Variants in ANKRD55 observed in about 807,000 individuals in gnomAD.
The protein encoded by ANKRD55 is ankyrin repeat domain-containing protein 55.
A neutral mutation model predicts 60.6 loss-of-function variants in ANKRD55; 41 were observed. That is an observed-to-expected ratio of 0.68 (90% CI 0.53 to 0.88). The LOEUF is 0.88. ANKRD55 is among the 40% of genes least tolerant of loss of function. The pLI, the probability that ANKRD55 is intolerant of heterozygous loss-of-function variation, is 0.00. For missense variants in ANKRD55, 732 were observed against 767.6 expected (o/e 0.95, Z 0.55); for synonymous variants, 264 against 290.3 (o/e 0.91, Z 0.92).
intron 2 of ANKRD55, among the ~76,000 whole-genome samples, chr5:56,190,861 G>T (rs1028646028): frequency 1.3e-5 from 2 of 152,200 alleles, no homozygotes; most frequent in Non-Finnish European, 2.9e-5. Flanking sequence ...TCAGAGCAGA[G>T]CCCTCGTGCT....
intron 2 of ANKRD55, among the ~76,000 whole-genome samples, chr5:56,224,347 G>C (rs1760050375): frequency 6.6e-6 from 1 of 152,158 alleles, no homozygotes; most frequent in African/African-American, 2.4e-5. Context: ...AGTGTGTAGA[G>C]GGAAATTTAT....
chr5:56,153,072 C>T (rs1039078468), intron 6 of ANKRD55, among the ~76,000 whole-genome samples: 3 of 152,114 alleles, frequency 2.0e-5, no homozygotes, highest in African/African-American at 7.2e-5. Flanking sequence ...ATAAACTAAA[C>T]TCCTATAGAT....
intron 8 of ANKRD55, among the ~76,000 whole-genome samples, chr5:56,117,655 T>C (rs967956527): frequency 6.6e-6 from 1 of 152,174 alleles, no homozygotes. Flanking sequence ...GGTTTCACTA[T>C]GTTGGCCAGG....
At position 56,109,027 on chromosome 5, in the gene ANKRD55, C is replaced by T. The variant is rs1014182800; in HGVS notation, c.1630+2091G>A. Among the ~76,000 whole-genome samples, 8 of 142,350 alleles carry T rather than the reference C, an allele frequency of 5.6e-5. No individual in the cohort carries two copies. In the South Asian group the frequency reaches 1.8e-3, roughly 33 times the overall value. The allele number at this position is 142,350 out of a possible 152,430, so 93.4% of individuals were successfully genotyped here. On this transcript the variant is annotated intron_variant, in intron 10 of 11. Transcript: ENST00000341048. ...ACTCCAGCCTGGGTGACAAGTGAGACTCTGTCTCAAAACACACACACACAC... is the reference window on the plus strand; with the variant it reads ...ACTCCAGCCTGGGTGACAAGTGAGATTCTGTCTCAAAACACACACACACAC...
intron 9 of ANKRD55, among the ~76,000 whole-genome samples, chr5:56,114,795 T>C (rs1756838149): frequency 6.6e-6 from 1 of 152,126 alleles, no homozygotes; most frequent in South Asian, 2.1e-4. Context: ...CAAAGAAAAA[T>C]ACACACAATT....
chr5:56,128,165 CA>C (rs1298764533), intron 7 of ANKRD55, among the ~76,000 whole-genome samples: 1 of 152,078 alleles, frequency 6.6e-6, no homozygotes, highest in African/African-American at 2.4e-5. Context: ...AAAATAGAAG[CA>C]AAAAGAGTGT....
intron 2 of ANKRD55, among the ~76,000 whole-genome samples, 191 bp from the exon 3 acceptor site, chr5:56,183,825 T>C (rs1257582910): frequency 6.6e-6 from 1 of 152,190 alleles, no homozygotes; most frequent in African/African-American, 2.4e-5. Flanking sequence ...ATGCCATTTG[T>C]AACACCGCCG....
chr5:56,137,424 CT>C, intron 7 of ANKRD55: 1 of 869,346 alleles, frequency 1.2e-6, no homozygotes, highest in Middle Eastern at 3.3e-4. Context: ...TGAGATGATC[CT>C]TACTGAAAAG....
chr5:56,127,265 ACT>A, intron 7 of ANKRD55, 159 bp from the exon 8 acceptor site: 5 of 982,550 alleles, frequency 5.1e-6, no homozygotes, highest in Non-Finnish European at 6.0e-6. Flanking sequence ...ATAAAAATAC[ACT>A]CTATCTAAGC....
At position 56,162,672 on chromosome 5, in the gene ANKRD55, A is replaced by ATTTT. The variant is rs148386596; in HGVS notation, c.423-2780_423-2779insAAAA. 4.1e-5 allele frequency among the ~76,000 whole-genome samples: 6 copies of ATTTT among 147,048 alleles called. 1 individual carries two copies. The highest frequency in any genetic ancestry group is 6.0e-5 in the Non-Finnish European group (4 of 67,058). Reference sequence around the variant, plus strand: ...ATCTCTTGTTGGTCAATTTTTGGTCAATTTTTTTTTTTTTTGAGACAAGCT... The same window carrying ATTTT: ...ATCTCTTGTTGGTCAATTTTTGGTCATTTTATTTTTTTTTTTTTTGAGACAAGCT... On this transcript the variant is annotated intron_variant, in intron 5 of 11. Coordinates refer to ENST00000341048, the MANE Select transcript of ANKRD55 (RefSeq NM_024669.3).
chr5:56,109,059 A>ACACACG (rs1301740987), intron 10 of ANKRD55, among the ~76,000 whole-genome samples: 7 of 151,798 alleles, frequency 4.6e-5, no homozygotes, highest in African/African-American at 1.7e-4. Flanking sequence ...ACACACACAC[A>ACACACG]CACACACACA....
intron 8 of ANKRD55, among the ~76,000 whole-genome samples, chr5:56,120,677 A>G (rs1195677955): frequency 1.3e-5 from 2 of 152,108 alleles, no homozygotes; most frequent in Non-Finnish European, 2.9e-5. Flanking sequence ...AGGCAGGCGG[A>G]TCACGAGGTC....
At chr5:56,169,625 C>T (rs545514629) in intron 5 of ANKRD55, among the ~76,000 whole-genome samples, 1 of 152,110 alleles carries the variant, frequency 6.6e-6, no homozygotes, top group East Asian at 1.9e-4. Context: ...CCTGGAATTT[C>T]CCAGGACCTT....
chr5:56,170,667 G>C, intron 5 of ANKRD55, 27 bp downstream of exon 5: 1 of 1,584,954 alleles, frequency 6.3e-7, no homozygotes, highest in Non-Finnish European at 8.7e-7. Flanking sequence ...CTCCCAACTT[G>C]AGCATCATGT....
chr5:56,114,462 T>C (rs1300761132), intron 9 of ANKRD55, among the ~76,000 whole-genome samples: 1 of 152,254 alleles, frequency 6.6e-6, no homozygotes, highest in Non-Finnish European at 1.5e-5. Context: ...GGAAAACTTA[T>C]ATTCACATTG....
chr5:56,210,451 A>G (rs998842897), intron 2 of ANKRD55, among the ~76,000 whole-genome samples: 2 of 150,582 alleles, frequency 1.3e-5, no homozygotes, highest in African/African-American at 4.9e-5. Flanking sequence ...AGTCCCAGCT[A>G]CTCAGGAGGC....
intron 7 of ANKRD55, chr5:56,136,986 G>T: frequency 1.6e-6 from 1 of 616,910 alleles, no homozygotes; most frequent in East Asian, 3.2e-5. Context: ...AAAATGATTC[G>T]CTCTTCACTT....
chr5:56,157,217 T>C (rs1355737354), intron 6 of ANKRD55, among the ~76,000 whole-genome samples: 2 of 152,198 alleles, frequency 1.3e-5, no homozygotes, highest in African/African-American at 4.8e-5. Flanking sequence ...GTTAAACAAA[T>C]GCTTGAAGGC....
At chr5:56,176,042 C>G in intron 4 of ANKRD55, 110 bp downstream of exon 4, 1 of 1,382,792 alleles carries the variant, frequency 7.2e-7, no homozygotes, top group Non-Finnish European at 1.0e-6. Context: ...AGTTCCAGCT[C>G]CTTTAGCCAG....
Sources: allele counts gnomAD v4.1 joint callset (sites outside exome capture counted in the v4.1 genomes callset), GRCh38; gene constraint gnomAD v4.1.1; transcripts MANE v1.5; gene names NCBI Gene and HGNC (gene_info 2026-07-23, HGNC 2026-07-21).